The following CNTNAP2 variants were observed in gnomAD, a reference collection of about 807,000 sequenced individuals.
CNTNAP2 encodes the protein contactin-associated protein-like 2.
CNTNAP2 carries 98 observed loss-of-function variants against 155.2 expected under a neutral mutation model. The ratio of observed to expected loss-of-function variants is 0.63; its 90% confidence interval spans 0.54 to 0.75. The LOEUF is 0.75. Among genes scored for constraint, CNTNAP2 ranks in the 30% least tolerant of loss-of-function variants. The pLI is 0.00. For synonymous variants in CNTNAP2, 651 were observed against 631.2 expected (o/e 1.03, Z -0.47); for missense variants, 1,727 against 1,688.1 (o/e 1.02, Z -0.40).
At chr7:146,674,171 A>T (rs1800356329) in intron 1 of CNTNAP2, among the ~76,000 whole-genome samples, 1 of 152,160 alleles carries the variant, frequency 6.6e-6, no homozygotes, top group African/African-American at 2.4e-5. Context: ...TTCAAAGGAA[A>T]CTTTCTAAAA....
intron 1 of CNTNAP2, among the ~76,000 whole-genome samples, chr7:146,638,797 AC>A (rs1465731844): frequency 6.6e-6 from 1 of 151,774 alleles, no homozygotes; most frequent in Non-Finnish European, 1.5e-5. Flanking sequence ...GTGTTTCTTA[AC>A]GATGGGAATG....
intron 21 of CNTNAP2, among the ~76,000 whole-genome samples, chr7:148,290,799 T>C (rs1206368488): frequency 2.6e-5 from 4 of 152,256 alleles, no homozygotes; most frequent in Non-Finnish European, 5.9e-5. Context: ...GGTGCTATTC[T>C]GGCTCTAAAC....
chr7:146,777,776 G>C (rs1320562224), intron 2 of CNTNAP2, among the ~76,000 whole-genome samples: 1 of 152,026 alleles, frequency 6.6e-6, no homozygotes, highest in Non-Finnish European at 1.5e-5. Context: ...ATGTTGGCCA[G>C]GTTGGACAAC....
intron 15 of CNTNAP2, among the ~76,000 whole-genome samples, chr7:148,030,282 G>C (rs986066816): frequency 1.3e-5 from 2 of 152,206 alleles, no homozygotes; most frequent in Admixed American, 6.5e-5. Context: ...ATTGCAATTA[G>C]AGTTTCTTAA....
chr7:148,260,255 T>A (rs1360402435), intron 20 of CNTNAP2, among the ~76,000 whole-genome samples: 1 of 152,218 alleles, frequency 6.6e-6, no homozygotes, highest in Non-Finnish European at 1.5e-5. Flanking sequence ...TTGAGGTGAC[T>A]GGGCTAGTTC....
chr7:146,218,394 A>C (rs1388939997), intron 1 of CNTNAP2, among the ~76,000 whole-genome samples: 1 of 152,104 alleles, frequency 6.6e-6, no homozygotes, highest in Non-Finnish European at 1.5e-5. Context: ...CCGTAGTCCC[A>C]GCTACTCGGG....
chr7:146,827,650 G>A (rs1038903403), intron 2 of CNTNAP2, among the ~76,000 whole-genome samples: 5 of 151,958 alleles, frequency 3.3e-5, no homozygotes, highest in African/African-American at 9.7e-5. Flanking sequence ...CTTTTACTAA[G>A]AATGCATGCC....
chr7:146,470,434 A>T lies in CNTNAP2; in HGVS notation c.98-303837A>T, dbSNP rs886192181. 7.2e-5 allele frequency among the ~76,000 whole-genome samples: 11 copies of T among 152,118 alleles called. 1 individual carries two copies. Among genetic ancestry groups the T allele is most frequent in the African/African-American group, 2.4e-4 (10 of 41,432 alleles). On this transcript the variant is annotated intron_variant, in intron 1 of 23. Transcript: ENST00000361727. ...ATGCCTAGCACATATGACTCCCACT[A>T]CCTGATACGTCCCTTTCTCCTTTCT...
At chr7:146,458,443 A>T (rs1306705479) in intron 1 of CNTNAP2, among the ~76,000 whole-genome samples, 2 of 152,170 alleles carry the variant, frequency 1.3e-5, no homozygotes, top group Non-Finnish European at 2.9e-5. Context: ...AACAAAATCA[A>T]AGATTCAGTC....
At chr7:146,176,286 C>CA (rs1262235438) in intron 1 of CNTNAP2, among the ~76,000 whole-genome samples, 1 of 152,086 alleles carries the variant, frequency 6.6e-6, no homozygotes, top group Non-Finnish European at 1.5e-5. Context: ...AAAAACAGAG[C>CA]AAATAATTCC....
intron 20 of CNTNAP2, among the ~76,000 whole-genome samples, chr7:148,264,822 G>A (rs990349160): frequency 6.6e-6 from 1 of 152,130 alleles, no homozygotes; most frequent in Non-Finnish European, 1.5e-5. Flanking sequence ...AATCTCCTGA[G>A]TAGCTGGGAC....
intron 9 of CNTNAP2, among the ~76,000 whole-genome samples, chr7:147,386,049 G>C (rs1319890492): frequency 6.6e-6 from 1 of 152,172 alleles, no homozygotes; most frequent in Non-Finnish European, 1.5e-5. Flanking sequence ...TGGGGCTTCT[G>C]TTCTCTAAAG....
At chr7:146,707,629 C>G (rs568020451) in intron 1 of CNTNAP2, among the ~76,000 whole-genome samples, 7 of 152,206 alleles carry the variant, frequency 4.6e-5, no homozygotes, top group African/African-American at 1.4e-4. Flanking sequence ...CTCAGAAGGG[C>G]CTTGCTCTTT....
chr7:147,498,191 AT>A (rs1454324661), intron 11 of CNTNAP2, among the ~76,000 whole-genome samples: 6 of 148,182 alleles, frequency 4.0e-5, no homozygotes, highest in African/African-American at 1.5e-4. Flanking sequence ...AAAAAAAAAA[AT>A]CTCCTCTCTT....
At chr7:148,231,325 T>A (rs768902860) in intron 20 of CNTNAP2, among the ~76,000 whole-genome samples, 24 of 152,136 alleles carry the variant, frequency 1.6e-4, no homozygotes, top group Non-Finnish European at 3.2e-4. Flanking sequence ...AGGGGATGAA[T>A]GGGTTTGGGG....
intron 1 of CNTNAP2, among the ~76,000 whole-genome samples, chr7:146,372,341 G>A (rs1223494348): frequency 6.6e-6 from 1 of 152,144 alleles, no homozygotes; most frequent in Non-Finnish European, 1.5e-5. Context: ...TTTCAGAGTA[G>A]CAGATTTTCT....
At chr7:146,246,955 A>G (rs930168862) in intron 1 of CNTNAP2, among the ~76,000 whole-genome samples, 5 of 152,178 alleles carry the variant, frequency 3.3e-5, no homozygotes, top group African/African-American at 1.2e-4. Flanking sequence ...AGTGGAGGCA[A>G]GGAATTGCAA....
chr7:146,370,864 A>T (rs1339642352), intron 1 of CNTNAP2, among the ~76,000 whole-genome samples: 1 of 152,158 alleles, frequency 6.6e-6, no homozygotes, highest in Non-Finnish European at 1.5e-5. Context: ...CCATTTTTAT[A>T]TGTACCTTAA....
chr7:147,299,298 C>T (rs914230916), intron 8 of CNTNAP2, among the ~76,000 whole-genome samples: 1 of 152,088 alleles, frequency 6.6e-6, no homozygotes, highest in African/African-American at 2.4e-5. Context: ...ATAAAATGAA[C>T]ACAAACTAAA....
Sources: allele counts gnomAD v4.1 joint callset (sites outside exome capture counted in the v4.1 genomes callset), GRCh38; gene constraint gnomAD v4.1.1; transcripts MANE v1.5; gene names NCBI Gene and HGNC (gene_info 2026-07-23, HGNC 2026-07-21).